ATP8B4: variants seen among roughly 807,000 people sequenced by gnomAD.
ATP8B4 encodes the protein ATPase phospholipid transporting 8B4 (putative).
Under a neutral mutation model 145.6 loss-of-function variants are expected in ATP8B4, and 133 were observed. The ratio of observed to expected loss-of-function variants is 0.91; its 90% CI spans 0.79 to 1.05. ATP8B4 has a LOEUF of 1.05. ATP8B4 is among the 50% of genes least tolerant of loss of function. The pLI, the probability that ATP8B4 is intolerant of heterozygous loss-of-function variation, is 0.00. For missense variants in ATP8B4, 1,458 were observed against 1,425.2 expected, an observed-to-expected ratio of 1.02 and a Z score of -0.37; for synonymous variants, 507 against 492.9, an observed-to-expected ratio of 1.03 and a Z score of -0.38.
intron 14 of ATP8B4, among the ~76,000 whole-genome samples, chr15:49,950,527 G>T (rs1330433599): frequency 6.9e-6 from 1 of 144,072 alleles, no homozygotes; most frequent in Non-Finnish European, 1.5e-5. Context: ...ATTTTTTATT[G>T]TGTCTGTTTG....
At chr15:49,977,234 C>T (rs1184270514) in intron 12 of ATP8B4, among the ~76,000 whole-genome samples, 2 of 152,050 alleles carry the variant, frequency 1.3e-5, no homozygotes, top group South Asian at 2.1e-4. Flanking sequence ...TTCATCATTC[C>T]GGACAGAAAT....
chr15:49,883,214 C>A lies in ATP8B4; in HGVS notation c.2698-3755G>T, dbSNP rs565759959. On this transcript the variant is annotated intron_variant, in intron 23 of 27. Coordinates refer to ENST00000284509, the MANE Select transcript of ATP8B4 (RefSeq NM_024837.4). ...TCATTGATGATGGCATCTGACTGTT[C>A]CAGGTATTAAGAAGAGAGAAAGAAT... 5.3e-5 allele frequency: 8 copies of A among 151,652 alleles called. No individual in the cohort carries two copies. In the East Asian group the frequency reaches 1.4e-3, roughly 26 times the overall value. The allele number at this position is 151,652 out of a possible 1,614,324, so 9.4% of individuals were successfully genotyped here. A position where few individuals can be genotyped will look rare whatever the true frequency, so the allele number is the denominator to read the frequency against.
upstream of ATP8B4, among the ~76,000 whole-genome samples, chr15:50,120,394 C>T (rs953320262): frequency 6.6e-6 from 1 of 152,160 alleles, no homozygotes; most frequent in Non-Finnish European, 1.5e-5. Flanking sequence ...AAATAAAAAA[C>T]ACTTTTAAGT....
intron 1 of ATP8B4, among the ~76,000 whole-genome samples, chr15:50,167,896 G>T (rs1221237303): frequency 6.6e-6 from 1 of 152,100 alleles, no homozygotes; most frequent in East Asian, 1.9e-4. Flanking sequence ...ATAAAGGAAT[G>T]GATTCATCTG....
chr15:49,873,407 A>C (rs1204755689), intron 25 of ATP8B4, among the ~76,000 whole-genome samples: 1 of 152,256 alleles, frequency 6.6e-6, no homozygotes, highest in Non-Finnish European at 1.5e-5. Context: ...ATGGTTGAAT[A>C]AATTATGGCA....
chr15:50,019,566 A>C (rs931864147), intron 6 of ATP8B4, among the ~76,000 whole-genome samples: 10 of 152,200 alleles, frequency 6.6e-5, no homozygotes, highest in Admixed American at 2.6e-4. Context: ...ACCTCATTAT[A>C]AGGATTGTAC....
At chr15:49,970,268 C>T (rs562664297) in intron 13 of ATP8B4, among the ~76,000 whole-genome samples, 4 of 152,138 alleles carry the variant, frequency 2.6e-5, no homozygotes, top group African/African-American at 4.8e-5. Context: ...GAAGTTCTGA[C>T]CAGGGCAATC....
At chr15:50,159,331 T>G (rs889386759) in intron 1 of ATP8B4, among the ~76,000 whole-genome samples, 6 of 152,264 alleles carry the variant, frequency 3.9e-5, no homozygotes, top group Non-Finnish European at 5.9e-5. Context: ...TACTGATTTT[T>G]GTGTGTTGAT....
chr15:49,987,230 G>A (rs1173474026), intron 10 of ATP8B4, among the ~76,000 whole-genome samples, 161 bp downstream of exon 10: 1 of 152,146 alleles, frequency 6.6e-6, no homozygotes, highest in African/African-American at 2.4e-5. Flanking sequence ...CAGAGCAATA[G>A]TGTTTTCTCC....
At chr15:50,034,339 C>T (rs369813774) in intron 6 of ATP8B4, among the ~76,000 whole-genome samples, 19 of 151,502 alleles carry the variant, frequency 1.3e-4, no homozygotes, top group African/African-American at 4.4e-4. Flanking sequence ...AAATAATTCT[C>T]CTGCCTCATC....
intron 13 of ATP8B4, among the ~76,000 whole-genome samples, chr15:49,969,393 A>G (rs1461167908): frequency 6.6e-6 from 1 of 152,176 alleles, no homozygotes; most frequent in Non-Finnish European, 1.5e-5. Context: ...ATAATAAAGA[A>G]GGAAAGAGAG....
At chr15:49,954,815 A>G (rs1429840460) in intron 14 of ATP8B4, among the ~76,000 whole-genome samples, 1 of 152,206 alleles carries the variant, frequency 6.6e-6, no homozygotes, top group African/African-American at 2.4e-5. Context: ...CAGCAACCCT[A>G]TTACTGGGTA....
chr15:49,893,678 A>G (rs1466788273), intron 23 of ATP8B4, among the ~76,000 whole-genome samples: 9 of 152,112 alleles, frequency 5.9e-5, no homozygotes, highest in Admixed American at 4.6e-4. Flanking sequence ...GAGTGGATAT[A>G]AAGTTTCAGT....
intron 1 of ATP8B4, among the ~76,000 whole-genome samples, chr15:50,111,238 A>T (rs1219489250): frequency 1.3e-5 from 2 of 152,208 alleles, no homozygotes; most frequent in Non-Finnish European, 2.9e-5. Flanking sequence ...CAGTCAAGTT[A>T]TTACAGCTAA....
chr15:49,866,991 T>G (rs2032903374), intron 25 of ATP8B4, among the ~76,000 whole-genome samples: 1 of 152,170 alleles, frequency 6.6e-6, no homozygotes, highest in African/African-American at 2.4e-5. Context: ...TTACTCAACT[T>G]ATAACAAAGA....
intron 14 of ATP8B4, among the ~76,000 whole-genome samples, chr15:49,941,249 G>A (rs1000212951): frequency 2.6e-5 from 4 of 152,182 alleles, no homozygotes; most frequent in Non-Finnish European, 2.9e-5. Flanking sequence ...AGTAAAGGGT[G>A]TGAATCAACT....
At chr15:50,009,768 T>A in intron 7 of ATP8B4, 1 of 432,912 alleles carries the variant, frequency 2.3e-6, no homozygotes, top group South Asian at 1.7e-5. Flanking sequence ...GTTCTACTTA[T>A]AAGGAGCTTA....
Position 49,916,537 on chromosome 15 carries a change from G to A in ATP8B4, c.2141+397C>T, listed in dbSNP as rs370982107. 2.0e-4 allele frequency among the ~76,000 whole-genome samples: 31 copies of A among 152,142 alleles called. 1 individual carries two copies. In the South Asian group the frequency reaches 5.2e-3, roughly 25 times the overall value. ...AATACAAAGTCCCATATCCCATTCC[G>A]TGTAGATTCTTAATTTGTAGGTCAG... On this transcript the variant is annotated intron_variant, in intron 20 of 27. Coordinates refer to ENST00000284509, the MANE Select transcript of ATP8B4 (RefSeq NM_024837.4).
intron 10 of ATP8B4, among the ~76,000 whole-genome samples, chr15:49,983,971 T>A (rs1334859495): frequency 1.3e-5 from 2 of 152,260 alleles, no homozygotes; most frequent in Admixed American, 1.3e-4. Flanking sequence ...GTACTGCATT[T>A]GTTTTTGTTC....
Sources: gnomAD v4.1 joint callset for allele counts (sites outside exome capture counted in the v4.1 genomes callset) on GRCh38, gnomAD v4.1.1 for gene constraint, MANE v1.5 for transcripts, NCBI Gene and HGNC (gene_info 2026-07-23, HGNC 2026-07-21) for gene names.